TMC4: variants seen among roughly 807,000 people sequenced by gnomAD.
The protein encoded by TMC4 is transmembrane channel like 4.
A neutral mutation model predicts 82.0 loss-of-function variants in TMC4; 70 were observed. The observed-to-expected ratio is 0.85, with a 90% CI of 0.70 to 1.04. TMC4 has a LOEUF of 1.04. Among genes scored for constraint, TMC4 ranks in the 50% least tolerant of loss-of-function variants. The pLI is 0.00. For synonymous variants in TMC4, 446 were observed against 406.0 expected, an observed-to-expected ratio of 1.10 and a Z score of -1.18; for missense variants, 879 against 899.0, an observed-to-expected ratio of 0.98 and a Z score of 0.28.
rs931830016 is a variant in TMC4 at position 54,162,927 on chromosome 19, A to G, written c.1404+106T>C. 8 of 1,579,014 alleles carry G rather than the reference A, an allele frequency of 5.1e-6. No homozygotes were observed. The African/African-American group carries it at 1.1e-4, about 21-fold the overall frequency. On this transcript the variant is annotated intron_variant, in intron 9 of 14. Transcript: ENST00000619895. Reference sequence around the variant, plus strand: ...TTTCATACCCTTGGGAGAGTGTTCCAGCACCCCAAGCTCCCCTCTCCGCCC... The same window carrying G: ...TTTCATACCCTTGGGAGAGTGTTCCGGCACCCCAAGCTCCCCTCTCCGCCC...
Position 54,160,956 on chromosome 19 carries a change from C to A in TMC4, c.1895G>T (p.Ser632Ile), listed in dbSNP as rs1368579061. The A allele has an allele frequency of 6.2e-7, 1 of 1,614,144 alleles. No homozygotes were observed. ...IWAQIPESIS[S>I]LPETTQNFLF... is the part of the protein sequence containing the mutation. ...GAAATTCTGGGTGGTCTCAGGGAGG[C>A]TGGAAATAGACTCAGGGATCTGGGC... Residue 632 changes from serine to isoleucine, a missense_variant, in exon 13 of 15, where the codon AGC becomes ATC. Coordinates refer to ENST00000619895, the MANE Select transcript of TMC4 (RefSeq NM_144686.4).
intron 3 of TMC4, among the ~76,000 whole-genome samples, chr19:54,169,118 C>T (rs1053983789): frequency 1.4e-5 from 2 of 144,980 alleles, no homozygotes; most frequent in African/African-American, 5.2e-5. Context: ...ACTGCAACCT[C>T]CGCCTCCTGG....
rs775394292 is a variant in TMC4, at chr19:54,168,276, G to C, written c.692C>G (p.Ser231Cys). 1 of 1,554,406 alleles carries C rather than the reference G, an allele frequency of 6.4e-7. No individual in the cohort carries two copies. The highest frequency in any genetic ancestry group is 8.7e-7 in the Non-Finnish European group (1 of 1,148,528). Residue 231 changes from serine to cysteine, a missense_variant, in exon 5 of 15, where the codon TCC becomes TGC. Transcript: ENST00000619895. ...CGGGTAGAAGCCATAGAAGAGAGGG[G>C]ACCATTCCAGGTAACCCTGTGGGGG... ...LLSGEGYLEWSPLFYGFYPPR... is the reference protein window; with the variant it reads ...LLSGEGYLEWCPLFYGFYPPR...
chr19:54,172,617 T>A, intron 1 of TMC4: 1 of 281,220 alleles, frequency 3.6e-6, no homozygotes, highest in Non-Finnish European at 6.5e-6. Flanking sequence ...CAGCCCCTCC[T>A]CCCTCAGGCC....
chr19:54,169,389 G>C, intron 3 of TMC4, 123 bp downstream of exon 3: 4 of 1,327,572 alleles, frequency 3.0e-6, no homozygotes, highest in Non-Finnish European at 4.0e-6. Flanking sequence ...TCCTCCCTCA[G>C]ACCCAAAAAT....
chr19:54,166,150 G>T (rs1263489610), intron 5 of TMC4, among the ~76,000 whole-genome samples: 1 of 151,702 alleles, frequency 6.6e-6, no homozygotes, highest in Non-Finnish European at 1.5e-5. Flanking sequence ...AGGCCGAGGG[G>T]GGAGGATCAC....
At position 54,162,206 on chromosome 19, in the gene TMC4, C is replaced by G. The variant is rs757971688; in HGVS notation, c.1582G>C (p.Gly528Arg). Residue 528 changes from glycine to arginine, a missense_variant, in exon 11 of 15, where the codon GGG (glycine) becomes CGG (arginine). Coordinates refer to ENST00000619895, the MANE Select transcript of TMC4 (RefSeq NM_144686.4). ...ACCACCGTCTGCGCGTAGATGAGCC[C>G]CAGCACCTCGTCGGGCACCTGGAAC... ...QEFQVPDEVLGLIYAQTVVWV... is the reference protein window; with the variant it reads ...QEFQVPDEVLRLIYAQTVVWV... 1 of 1,613,400 alleles carries G rather than the reference C, an allele frequency of 6.2e-7. No homozygotes were observed. Among genetic ancestry groups the G allele is most frequent in the Non-Finnish European group, 8.5e-7 (1 of 1,179,738 alleles).
Position 54,173,025 on chromosome 19 carries a change from C to G in TMC4, c.79+14G>C. 1 of 1,609,468 alleles carries G rather than the reference C, an allele frequency of 6.2e-7. No individual in the cohort carries two copies. The highest frequency in any genetic ancestry group is 1.1e-5 in the South Asian group (1 of 90,582). On this transcript the variant is annotated intron_variant, in intron 1 of 14. Transcript: ENST00000619895. Reference sequence around the variant, plus strand: ...AAGGTCGGATGGATCTGAGCTTCTCCTGGCATTCCCTACCTCCTCTGGCCT... The same window carrying G: ...AAGGTCGGATGGATCTGAGCTTCTCGTGGCATTCCCTACCTCCTCTGGCCT...
chr19:54,165,308 G>T, intron 6 of TMC4, 111 bp downstream of exon 6: 1 of 1,230,216 alleles, frequency 8.1e-7, no homozygotes, highest in Non-Finnish European at 1.1e-6. Flanking sequence ...TGGAGAAGGA[G>T]CTGCTTAGCA....
In TMC4 at chr19:54,160,260, C is replaced by T; in HGVS notation, c.*46G>A. On this transcript the variant is annotated 3_prime_UTR_variant, in exon 15 of 15. Coordinates refer to ENST00000619895, the MANE Select transcript of TMC4 (RefSeq NM_144686.4). ...TAGTTTACAGATGTTGTGACCTAGGCTTACAATGGGCCTGGGGTCTGAAAG... is the reference window on the plus strand; with the variant it reads ...TAGTTTACAGATGTTGTGACCTAGGTTTACAATGGGCCTGGGGTCTGAAAG... The T allele has an allele frequency of 6.7e-7, 1 of 1,500,448 alleles. No individual in the cohort carries two copies. The highest frequency in any genetic ancestry group is 8.9e-7 in the Non-Finnish European group (1 of 1,123,688). The allele number at this position is 1,500,448 out of a possible 1,614,324, so 92.9% of individuals were successfully genotyped here.
chr19:54,160,404 A>G (rs201701199), intron 14 of TMC4, 30 bp from the exon 15 acceptor site: 2 of 1,582,232 alleles, frequency 1.3e-6, no homozygotes, highest in East Asian at 2.3e-5. Flanking sequence ...AGGTGAGACA[A>G]TCCTCTTCCC....
chr19:54,164,870 C>T (rs901798280), intron 6 of TMC4, among the ~76,000 whole-genome samples: 5 of 152,006 alleles, frequency 3.3e-5, no homozygotes, highest in Admixed American at 2.0e-4. Flanking sequence ...CCTGAGGCTC[C>T]GCCCAGCATC....
At chr19:54,162,580 A>G (rs1600555051) in intron 10 of TMC4, 93 bp downstream of exon 10, 23 of 1,004,284 alleles carry the variant, frequency 2.3e-5, no homozygotes, top group South Asian at 2.7e-5. Flanking sequence ...CAGAGGCGGG[A>G]ATGGTAAAAA....
chr19:54,172,139 C>T (rs2075912692), intron 1 of TMC4, 56 bp from the exon 2 acceptor site: 1 of 1,440,334 alleles, frequency 6.9e-7, no homozygotes, highest in Admixed American at 2.7e-5. Flanking sequence ...AATTCCTCCT[C>T]CCTCAGACCA....
At chr19:54,167,067 T>C (rs1157432831) in intron 5 of TMC4, among the ~76,000 whole-genome samples, 1 of 152,042 alleles carries the variant, frequency 6.6e-6, no homozygotes, top group East Asian at 1.9e-4. Context: ...GAGCGCAGCC[T>C]GGGCAACATA....
chr19:54,162,394 G>C (rs545931335), intron 10 of TMC4, 109 bp from the exon 11 acceptor site: 2 of 801,568 alleles, frequency 2.5e-6, no homozygotes, highest in Non-Finnish European at 3.7e-6. Flanking sequence ...GGTGGTGGGG[G>C]GGGGGGGGGC....
intron 1 of TMC4, 32 bp downstream of exon 1, chr19:54,173,007 G>A: frequency 6.3e-7 from 1 of 1,595,258 alleles, no homozygotes; most frequent in Non-Finnish European, 8.6e-7. Context: ...CTGAAGGTCG[G>A]ATGGATCTGA....
In TMC4 at chr19:54,161,160, G is replaced by A; in HGVS notation, c.1787C>T (p.Ser596Phe). ...GATGCTGTAAAGCAGGGGAACGCTG[G>A]AGATGGCCAGACCCAGGAGAAGGAC... is the stretch of plus-strand genomic sequence containing the variant. ...PLVLLLGLAI[S>F]SVPLLYSIFL... The change falls in exon 12 of 15, where the codon TCC becomes TTC. Residue 596 changes from serine to phenylalanine, a missense_variant. Ser to Phe is a radical substitution (Grantham distance 155, BLOSUM62 -2). Coordinates refer to ENST00000619895, the MANE Select transcript of TMC4 (RefSeq NM_144686.4). 1.3e-6 allele frequency: 2 copies of A among 1,590,594 alleles called. No homozygotes were observed. The highest frequency in any genetic ancestry group is 1.7e-6 in the Non-Finnish European group (2 of 1,170,318).
intron 10 of TMC4, 143 bp downstream of exon 10, chr19:54,162,530 C>T (rs975308536): frequency 1.3e-6 from 1 of 749,930 alleles, no homozygotes; most frequent in Non-Finnish European, 2.2e-6. Flanking sequence ...GGGCGGGGAG[C>T]GGGGAGATCT....
Sources: allele counts gnomAD v4.1 joint callset (sites outside exome capture counted in the v4.1 genomes callset), GRCh38; gene constraint gnomAD v4.1.1; transcripts MANE v1.5; gene names NCBI Gene and HGNC (gene_info 2026-07-23, HGNC 2026-07-21).